The following PLEKHA7 variants were observed in gnomAD, a reference collection of about 807,000 sequenced individuals.
PLEKHA7 encodes the protein pleckstrin homology domain containing A7.
Under a neutral mutation model 170.0 loss-of-function variants are expected in PLEKHA7, and 104 were observed. The observed-to-expected ratio is 0.61, with a 90% confidence interval of 0.52 to 0.72. PLEKHA7 has a LOEUF of 0.72. Ranked by LOEUF, PLEKHA7 falls within the 30% of genes least tolerant of loss-of-function variation. The probability of loss-of-function intolerance (pLI) is 0.00; values close to 1 mark genes in which losing one functional copy is unlikely to be tolerated. For missense variants in PLEKHA7, 1,615 were observed against 1,671.7 expected (o/e 0.97, Z 0.59); for synonymous variants, 648 against 660.8 (o/e 0.98, Z 0.30).
chr11:16,832,057 C>A (rs1240610347), intron 9 of PLEKHA7, among the ~76,000 whole-genome samples: 2 of 152,192 alleles, frequency 1.3e-5, no homozygotes, highest in Non-Finnish European at 2.9e-5. Flanking sequence ...GCTTAGCTAA[C>A]CCTTCTCTTC....
Position 16,789,118 on chromosome 11 carries a change from G to C in PLEKHA7, c.3335C>G (p.Pro1112Arg), listed in dbSNP as rs576126330. The change falls in exon 23 of 27, where the codon CCG (proline) becomes CGG (arginine). Residue 1112 changes from proline (P) to arginine (R), a missense_variant. Physicochemically the swap from Pro to Arg is moderately radical, Grantham distance 103. Coordinates refer to ENST00000531066, the MANE Select transcript of PLEKHA7 (RefSeq NM_001329630.2). This position sits in a 1 kb window ranked among gnomAD's most constrained non-coding sequence, Gnocchi z 4.6. ...TACTGAGCCAAGATCTCCAGGGAGC[G>C]GCCGGCTGAGGTAGCGAGATGAGGG... is the stretch of plus-strand genomic sequence containing the variant. ...GLPSSRYLSR[P>R]LPGDLGSWKR... 9 of 1,605,848 alleles carry C rather than the reference G, an allele frequency of 5.6e-6. No individual in the cohort carries two copies. The East Asian group carries it at 2.0e-4, about 36-fold the overall frequency.
chr11:16,832,759 G>C (rs749204611), intron 9 of PLEKHA7, among the ~76,000 whole-genome samples: 1 of 152,144 alleles, frequency 6.6e-6, no homozygotes, highest in Non-Finnish European at 1.5e-5. Flanking sequence ...TTACCTAAAT[G>C]ACCAAACTAG....
chr11:16,854,684 G>A (rs532714480), intron 6 of PLEKHA7, among the ~76,000 whole-genome samples: 1 of 152,332 alleles, frequency 6.6e-6, no homozygotes, highest in East Asian at 1.9e-4. Flanking sequence ...TGGGTTTTGG[G>A]AGAGAAGCTG....
chr11:16,786,549 G>C (rs748190002), intron 23 of PLEKHA7, 162 bp from the exon 24 acceptor site: 20 of 985,280 alleles, frequency 2.0e-5, no homozygotes, highest in Admixed American at 6.2e-5. Flanking sequence ...CCTTCATATG[G>C]GCTGTTCCAG....
chr11:16,914,902 T>G (rs1051247233), intron 3 of PLEKHA7, among the ~76,000 whole-genome samples: 3 of 152,138 alleles, frequency 2.0e-5, no homozygotes, highest in African/African-American at 7.2e-5. Flanking sequence ...AAGGTTTTTC[T>G]CCTCAGCAGC....
chr11:16,826,500 C>T lies in PLEKHA7; in HGVS notation c.963G>A (p.Thr321=), dbSNP rs769621988. The change falls in exon 10 of 27, where the codon ACG becomes ACA. Residue 321 remains threonine, a synonymous_variant. Transcript: ENST00000531066. ...CATGGCCACGATGAGGACAATCTCT[C>T]GTATGTCCGGGTCCCACCCGGCCAC... ...HECGRVGPGH[T]RDCPHRGHDD... 17 of 1,614,122 alleles carry T rather than the reference C, an allele frequency of 1.1e-5. No homozygotes were observed. The highest frequency in any genetic ancestry group is 1.7e-5 in the Admixed American group (1 of 60,014).
chr11:16,985,216 T>A (rs1863653880), intron 3 of PLEKHA7, among the ~76,000 whole-genome samples: 1 of 152,252 alleles, frequency 6.6e-6, no homozygotes, highest in Non-Finnish European at 1.5e-5. Flanking sequence ...TACACGTTTA[T>A]GAATAAACCA....
At chr11:16,808,662 T>C (rs1849152322) in intron 13 of PLEKHA7, among the ~76,000 whole-genome samples, 1 of 152,130 alleles carries the variant, frequency 6.6e-6, no homozygotes, top group Non-Finnish European at 1.5e-5. Flanking sequence ...ACTGCAACCT[T>C]TTCTATCTAC....
intron 3 of PLEKHA7, among the ~76,000 whole-genome samples, chr11:16,963,628 T>A (rs1329179173): frequency 2.0e-5 from 3 of 152,068 alleles, no homozygotes; most frequent in Admixed American, 1.3e-4. Context: ...GCCTAAATCT[T>A]GATGAACATG....
At chr11:16,941,374 A>G (rs532697888) in intron 3 of PLEKHA7, among the ~76,000 whole-genome samples, 3 of 152,202 alleles carry the variant, frequency 2.0e-5, no homozygotes, top group Admixed American at 6.5e-5. Flanking sequence ...CTGGATCTCT[A>G]TTGTTTTTCT....
At chr11:16,998,317 A>G (rs1864461450) in intron 3 of PLEKHA7, among the ~76,000 whole-genome samples, 1 of 152,172 alleles carries the variant, frequency 6.6e-6, no homozygotes. Flanking sequence ...ACAAACAAAC[A>G]AACTCTCAAA....
chr11:16,837,960 G>A (rs1049853237), intron 9 of PLEKHA7, among the ~76,000 whole-genome samples: 1 of 152,064 alleles, frequency 6.6e-6, no homozygotes, highest in Non-Finnish European at 1.5e-5. Flanking sequence ...GAAACCTATT[G>A]GGTGATCTCC....
intron 3 of PLEKHA7, among the ~76,000 whole-genome samples, chr11:16,929,740 C>T (rs986444540): frequency 4.6e-5 from 7 of 151,926 alleles, no homozygotes; most frequent in Non-Finnish European, 7.4e-5. Flanking sequence ...CGTGGTGGCT[C>T]ACGCCTGTAA....
chr11:16,940,588 T>C (rs1860627688), intron 3 of PLEKHA7, among the ~76,000 whole-genome samples: 1 of 151,628 alleles, frequency 6.6e-6, no homozygotes, highest in Non-Finnish European at 1.5e-5. Flanking sequence ...GCACCTGGCC[T>C]CTTTTGTTTT....
rs377022680 is a variant in PLEKHA7, at chr11:16,789,181, C to T, written c.3272G>A (p.Arg1091His). 1.4e-5 allele frequency: 22 copies of T among 1,612,724 alleles called. No individual in the cohort carries two copies. The highest frequency in any genetic ancestry group is 4.0e-5 in the African/African-American group (3 of 74,924). The stretch of plus-strand genomic sequence containing the variant: ...CTCCCCTTGGCCCAGTGTCCTCTTG[C>T]GCTCTCGGACCAGGGCCTTCTGGTG... ...KRHQKALVRERKRTLGQGERT... is the reference protein window; with the variant it reads ...KRHQKALVREHKRTLGQGERT... Residue 1091 changes from arginine (R) to histidine (H), a missense_variant, in exon 23 of 27, where the codon CGC (arginine) becomes CAC (histidine). By Grantham distance (29) the Arg-to-His change is conservative. Coordinates refer to ENST00000531066, the MANE Select transcript of PLEKHA7 (RefSeq NM_001329630.2). The surrounding 1 kb of genome is among the most constrained non-coding windows in gnomAD (Gnocchi z 4.6).
intron 3 of PLEKHA7, among the ~76,000 whole-genome samples, chr11:17,011,507 T>A (rs1865322767): frequency 1.3e-5 from 2 of 152,194 alleles, no homozygotes; most frequent in African/African-American, 4.8e-5. Flanking sequence ...TGACTCCCTG[T>A]CTTCACCCCG....
intron 3 of PLEKHA7, among the ~76,000 whole-genome samples, chr11:16,940,289 T>G (rs921680051): frequency 9.5e-5 from 14 of 147,032 alleles, no homozygotes; most frequent in South Asian, 6.7e-4. Context: ...CTGTTTTTTT[T>G]TTTTTTTTTT....
At chr11:16,787,132 T>C in intron 23 of PLEKHA7, 2 of 985,496 alleles carry the variant, frequency 2.0e-6, no homozygotes, top group Non-Finnish European at 2.4e-6. Flanking sequence ...ACCATGACTG[T>C]CCAGCTCCGT....
intron 3 of PLEKHA7, among the ~76,000 whole-genome samples, chr11:16,915,871 T>C (rs1397285604): frequency 3.3e-5 from 5 of 150,292 alleles, no homozygotes; most frequent in African/African-American, 1.2e-4. Flanking sequence ...CCTTTGGGTA[T>C]ATACCCATTA....
Sources: allele counts gnomAD v4.1 joint callset (sites outside exome capture counted in the v4.1 genomes callset), GRCh38; gene constraint gnomAD v4.1.1; non-coding constraint Gnocchi (gnomAD v3.1); transcripts MANE v1.5; gene names NCBI Gene and HGNC (gene_info 2026-07-23, HGNC 2026-07-21).